Variants in KLRF1 observed in about 807,000 individuals in gnomAD.
KLRF1 encodes killer cell lectin-like receptor subfamily F member 1.
Under a neutral mutation model 30.7 loss-of-function variants are expected in KLRF1, and 27 were observed. The ratio of observed to expected loss-of-function variants is 0.88; its 90% CI spans 0.65 to 1.21. The LOEUF (loss-of-function observed/expected upper bound fraction) is 1.21, where lower values mean the gene tolerates loss of function less well. Ranked by LOEUF, KLRF1 falls within the 50% of genes most tolerant of loss-of-function variation. KLRF1 has a pLI of 0.00. For missense variants in KLRF1, 246 were observed against 259.3 expected (o/e 0.95, Z 0.35); for synonymous variants, 92 against 89.3 (o/e 1.03, Z -0.17).
chr12:9,839,718 C>A (rs1167773124), intron 3 of KLRF1, among the ~76,000 whole-genome samples: 1 of 151,998 alleles, frequency 6.6e-6, no homozygotes, highest in Non-Finnish European at 1.5e-5. Context: ...ACAAAAAGAG[C>A]AAGTGTTGGT....
chr12:9,837,352 A>G (rs1184593905), intron 3 of KLRF1, among the ~76,000 whole-genome samples: 1 of 151,502 alleles, frequency 6.6e-6, no homozygotes, highest in Non-Finnish European at 1.5e-5. Flanking sequence ...ATGTATCTCT[A>G]TATCTATAAA....
the KLRF1 span, chr12:9,817,860 A>G: frequency 1.6e-5 from 3 of 190,350 alleles, no homozygotes; most frequent in East Asian, 3.3e-4. Flanking sequence ...GTGGTTCACT[A>G]AGATTCTCAC....
Position 9,827,519 on chromosome 12 carries a change from T to TAC in KLRF1, c.-18_-17dup. 1 of 1,363,794 alleles carries TAC rather than the reference T, an allele frequency of 7.3e-7. No homozygotes were observed. Among genetic ancestry groups the TAC allele is most frequent in the Non-Finnish European group, 1.0e-6 (1 of 960,828 alleles). The allele number at this position is 1,363,794 out of a possible 1,614,324, so 84.5% of individuals were successfully genotyped here. A position where few individuals can be genotyped will look rare whatever the true frequency, so the allele number is the denominator to read the frequency against. On this transcript the variant is annotated 5_prime_UTR_variant, in exon 1 of 6. It removes the in-frame stop codon of an upstream open reading frame in the 5' UTR. Transcript: ENST00000617889. ...CTTAATAAAACAAAACATACCTGTA[T>TAC]ACACACACATTCACTCACATTGAAG...
the KLRF1 span, among the ~76,000 whole-genome samples, chr12:9,814,341 C>T: frequency 3.9e-5 from 6 of 152,216 alleles, no homozygotes; most frequent in Non-Finnish European, 7.3e-5. Flanking sequence ...TCTCCACAGC[C>T]GGGACTGCCA....
the KLRF1 span, among the ~76,000 whole-genome samples, chr12:9,812,522 G>A: frequency 6.6e-6 from 1 of 152,088 alleles, no homozygotes; most frequent in Admixed American, 6.5e-5. Context: ...CCCAGCTATG[G>A]TTGTTTTGGC....
chr12:9,816,123 A>G, the KLRF1 span, among the ~76,000 whole-genome samples: 2 of 152,130 alleles, frequency 1.3e-5, no homozygotes, highest in South Asian at 4.2e-4. Flanking sequence ...GGCCACAGCA[A>G]TCTTCTTCTC....
Position 9,841,739 on chromosome 12 carries a change from A to G in KLRF1, c.335-73A>G, listed in dbSNP as rs1485292995. 4 of 1,165,572 alleles carry G rather than the reference A, an allele frequency of 3.4e-6. No individual in the cohort carries two copies. In the African/African-American group the frequency reaches 4.7e-5, roughly 14 times the overall value. The allele number at this position is 1,165,572 out of a possible 1,614,324, so 72.2% of individuals were successfully genotyped here. On this transcript the variant is annotated intron_variant, in intron 3 of 5. Transcript: ENST00000617889. ...ACTCTTATTTATACAACATGTAAGT[A>G]TTGTTCTTATGGCCAATTTTCAGAG...
upstream of KLRF1, among the ~76,000 whole-genome samples, chr12:9,825,309 T>C (rs7295207): frequency 0.11 from 16,488 of 147,900 alleles, 1,111 homozygotes; most frequent in African/African-American, 0.2. Flanking sequence ...CACAATGGTC[T>C]AATGCAGACA....
the KLRF1 span, among the ~76,000 whole-genome samples, chr12:9,803,253 G>A: frequency 2.0e-5 from 3 of 152,056 alleles, no homozygotes; most frequent in Non-Finnish European, 4.4e-5. Context: ...GAACTAGCTA[G>A]CCATATGCAG....
At chr12:9,834,401 GAAA>G (rs774321580) in intron 3 of KLRF1, among the ~76,000 whole-genome samples, 1 of 150,960 alleles carries the variant, frequency 6.6e-6, no homozygotes, top group South Asian at 2.1e-4. Flanking sequence ...TTGGGGCAGC[GAAA>G]AAAAAATTTG....
chr12:9,832,169 C>T (rs1867443581), intron 1 of KLRF1, 147 bp from the exon 2 acceptor site: 4 of 503,892 alleles, frequency 7.9e-6, no homozygotes, highest in African/African-American at 1.9e-5. Context: ...ATATATTTTT[C>T]TATTTACTTA....
chr12:9,812,961 G>T, the KLRF1 span, among the ~76,000 whole-genome samples: 1 of 152,184 alleles, frequency 6.6e-6, no homozygotes, highest in Non-Finnish European at 1.5e-5. Flanking sequence ...TGGAGGATAT[G>T]AGAGCATTCA....
At chr12:9,828,452 T>C (rs776984806) in intron 1 of KLRF1, among the ~76,000 whole-genome samples, 17 of 152,190 alleles carry the variant, frequency 1.1e-4, no homozygotes, top group Non-Finnish European at 2.1e-4. Context: ...AAATAAAGTT[T>C]ATACACCAGC....
chr12:9,805,370 T>C, the KLRF1 span, among the ~76,000 whole-genome samples: 1 of 151,842 alleles, frequency 6.6e-6, no homozygotes, highest in Non-Finnish European at 1.5e-5. Context: ...GCAAGAGGGA[T>C]GGAAGGGCCC....
At chr12:9,817,119 T>A in the KLRF1 span, among the ~76,000 whole-genome samples, 4 of 152,190 alleles carry the variant, frequency 2.6e-5, no homozygotes, top group East Asian at 1.9e-4. Context: ...GGGCTTCAGA[T>A]CTACCCTGTC....
intron 5 of KLRF1, among the ~76,000 whole-genome samples, chr12:9,842,855 A>G (rs977561543): frequency 6.6e-6 from 1 of 152,142 alleles, no homozygotes; most frequent in Non-Finnish European, 1.5e-5. Context: ...GGAATTATTG[A>G]TTTTAAAAGT....
At chr12:9,808,047 C>T in the KLRF1 span, among the ~76,000 whole-genome samples, 2 of 151,992 alleles carry the variant, frequency 1.3e-5, no homozygotes, top group Admixed American at 1.3e-4. Context: ...AATTATATTT[C>T]CCCTCTAATA....
intron 2 of KLRF1, 123 bp downstream of exon 2, chr12:9,832,537 G>T (rs1486659373): frequency 1.6e-6 from 1 of 621,806 alleles, no homozygotes. Flanking sequence ...AGAAGCTACT[G>T]CATGTAAAGC....
intron 3 of KLRF1, among the ~76,000 whole-genome samples, chr12:9,837,604 C>T (rs772688434): frequency 6.6e-6 from 1 of 152,116 alleles, no homozygotes; most frequent in Non-Finnish European, 1.5e-5. Context: ...ACAGCTCATT[C>T]CCCGGCTTTT....
Sources: allele counts gnomAD v4.1 joint callset (sites outside exome capture counted in the v4.1 genomes callset), GRCh38; gene constraint gnomAD v4.1.1; transcripts MANE v1.5; gene names NCBI Gene and HGNC (gene_info 2026-07-23, HGNC 2026-07-21).